Variants in CHD7 observed in about 807,000 individuals in gnomAD.
CHD7 encodes chromodomain helicase DNA binding protein 7.
In CHD7, 24 loss-of-function variants were observed where a neutral mutation model predicts 307.3. The ratio of observed to expected loss-of-function variants is 0.08; its 90% confidence interval spans 0.06 to 0.11. The LOEUF (loss-of-function observed/expected upper bound fraction) is 0.11. Among genes scored for constraint, CHD7 ranks in the 10% least tolerant of loss-of-function variants. The pLI is 1.00. For missense variants in CHD7, 3,106 were observed against 3,727.1 expected (o/e 0.83, Z 4.34); for synonymous variants, 1,363 against 1,349.9 (o/e 1.01, Z -0.21).
chr8:60,792,260 A>G (rs1459896400), intron 3 of CHD7, among the ~76,000 whole-genome samples: 3 of 152,236 alleles, frequency 2.0e-5, no homozygotes, highest in Non-Finnish European at 2.9e-5. Flanking sequence ...ATTTTTGGAC[A>G]AAGCAGTTTT....
At chr8:60,800,573 T>TTGG (rs397687085) in intron 5 of CHD7, 48 bp downstream of exon 5, 5 of 1,562,580 alleles carry the variant, frequency 3.2e-6, no homozygotes, top group South Asian at 1.2e-5. Flanking sequence ...AAAGATGGAC[T>TTGG]AGAAATTTCA....
In CHD7 at chr8:60,850,622, G is replaced by C. The variant is rs985812567; in HGVS notation, c.5534G>C (p.Gly1845Ala). The C allele has an allele frequency of 2.5e-6, 4 of 1,609,318 alleles. No individual in the cohort carries two copies. The South Asian group carries it at 3.3e-5, about 13-fold the overall frequency. The change falls in exon 26 of 38, where the codon GGG becomes GCG. Residue 1845 changes from glycine to alanine, a missense_variant and splice_region_variant. Gly to Ala is a moderately conservative substitution (Grantham distance 60). Transcript: ENST00000423902. ...GTDMLADGGD[G>A]GEFDREDEDP... is the part of the protein sequence containing the mutation. The stretch of plus-strand genomic sequence containing the variant: ...GACATGCTAGCAGATGGTGGTGACG[G>C]GTAAGAAGGACATTTTAAAATTTGA...
intron 2 of CHD7, among the ~76,000 whole-genome samples, chr8:60,769,261 A>T (rs182681018): frequency 2.6e-5 from 4 of 152,350 alleles, no homozygotes; most frequent in African/African-American, 9.6e-5. Flanking sequence ...CTGCTGTTTT[A>T]TAACCATATT....
intron 2 of CHD7, among the ~76,000 whole-genome samples, chr8:60,745,871 G>T (rs180957648): frequency 6.6e-6 from 1 of 152,240 alleles, no homozygotes; most frequent in African/African-American, 2.4e-5. Flanking sequence ...AGCACAAAGG[G>T]TGTTAGATTA....
intron 1 of CHD7, among the ~76,000 whole-genome samples, chr8:60,726,023 C>T (rs1808141129): frequency 6.6e-6 from 1 of 152,194 alleles, no homozygotes; most frequent in Non-Finnish European, 1.5e-5. Context: ...AAGTTTACTA[C>T]CAAAACCAGG....
intron 3 of CHD7, among the ~76,000 whole-genome samples, chr8:60,782,725 C>A (rs1811313634): frequency 6.6e-6 from 1 of 152,116 alleles, no homozygotes; most frequent in Non-Finnish European, 1.5e-5. Flanking sequence ...AAACTTAACA[C>A]TTTATAAAAT....
chr8:60,790,141 A>G (rs1811698434), intron 3 of CHD7, among the ~76,000 whole-genome samples: 1 of 152,204 alleles, frequency 6.6e-6, no homozygotes, highest in South Asian at 2.1e-4. Context: ...TCTGATTACA[A>G]GGGCTTGTCT....
intron 1 of CHD7, among the ~76,000 whole-genome samples, chr8:60,687,508 G>A (rs1805968961): frequency 6.6e-6 from 1 of 152,144 alleles, no homozygotes; most frequent in Admixed American, 6.5e-5. Flanking sequence ...CAAGTGTACC[G>A]ATCTTGCAAG....
intron 2 of CHD7, among the ~76,000 whole-genome samples, chr8:60,769,545 C>G (rs1243425778): frequency 6.6e-6 from 1 of 152,168 alleles, no homozygotes; most frequent in Admixed American, 6.5e-5. Context: ...CAGATGGGAA[C>G]ATGACATAGA....
At chr8:60,745,539 C>T (rs970097481) in intron 2 of CHD7, among the ~76,000 whole-genome samples, 2 of 152,150 alleles carry the variant, frequency 1.3e-5, no homozygotes, top group Non-Finnish European at 2.9e-5. Flanking sequence ...TCATTATAGG[C>T]AAACTCAGGA....
intron 6 of CHD7, among the ~76,000 whole-genome samples, chr8:60,806,830 C>A (rs1243433446): frequency 6.6e-6 from 1 of 152,040 alleles, no homozygotes; most frequent in African/African-American, 2.4e-5. Context: ...TGGTGTAAAA[C>A]CCAGCCTACG....
intron 1 of CHD7, among the ~76,000 whole-genome samples, chr8:60,705,910 C>G (rs939657162): frequency 1.6e-4 from 24 of 152,074 alleles, no homozygotes; most frequent in Non-Finnish European, 3.2e-4. Context: ...CATGCTGGCA[C>G]AAATAATCCA....
chr8:60,775,366 C>CTTA (rs1554587511), intron 2 of CHD7, among the ~76,000 whole-genome samples: 2 of 150,948 alleles, frequency 1.3e-5, no homozygotes, highest in Admixed American at 6.6e-5. Flanking sequence ...TACTTTATTC[C>CTTA]TACCAGTAAC....
chr8:60,695,289 A>G (rs944145690), intron 1 of CHD7, among the ~76,000 whole-genome samples: 4 of 152,256 alleles, frequency 2.6e-5, no homozygotes, highest in Non-Finnish European at 5.9e-5. Context: ...GGTATCTAAC[A>G]TTTAAAAACA....
At position 60,758,622 on chromosome 8, in the gene CHD7, T is replaced by G. The variant is rs1332870349; in HGVS notation, c.1665+15525T>G. On this transcript the variant is annotated intron_variant, in intron 2 of 37. Coordinates refer to ENST00000423902, the MANE Select transcript of CHD7 (RefSeq NM_017780.4). Reference sequence around the variant, plus strand: ...TTGGCTCACTTTATTTCAAGAGAATTACTGCCAAATACTTGAGTCTGAATA... The same window carrying G: ...TTGGCTCACTTTATTTCAAGAGAATGACTGCCAAATACTTGAGTCTGAATA... 3.9e-5 allele frequency among the ~76,000 whole-genome samples: 6 copies of G among 152,212 alleles called. No individual in the cohort carries two copies. The East Asian group carries it at 1.2e-3, about 29-fold the overall frequency.
chr8:60,700,908 G>A (rs1806728391), intron 1 of CHD7, among the ~76,000 whole-genome samples: 1 of 152,226 alleles, frequency 6.6e-6, no homozygotes, highest in Admixed American at 6.5e-5. Flanking sequence ...CTGCCTCAGA[G>A]CACGGTGCTT....
In CHD7 at chr8:60,742,312, T is replaced by G; in HGVS notation, c.880T>G (p.Ser294Ala). 1 of 1,613,946 alleles carries G rather than the reference T, an allele frequency of 6.2e-7. No individual in the cohort carries two copies. The change falls in exon 2 of 38, where the codon TCT becomes GCT. Residue 294 changes from serine to alanine, a missense_variant. Around this residue, in one of 10 missense-constraint regions of CHD7, gnomAD observed 998 missense variants for 1,004.5 expected, o/e 0.99. Coordinates refer to ENST00000423902, the MANE Select transcript of CHD7 (RefSeq NM_017780.4). ...AVRPQTLNFS[S>A]RSQTVPSPTI... ...TAGGCCGCAAACCCTTAACTTTAGT[T>G]CTCGGAGCCAGACAGTCCCCTCTCC...
At position 60,681,044 on chromosome 8, in the gene CHD7, T is replaced by G. The variant is rs148150137; in HGVS notation, c.-175+1962T>G. Among the ~76,000 whole-genome samples, 1,207 of 152,280 alleles carry G rather than the reference T, an allele frequency of 7.9e-3. 11 individuals carry two copies. Among genetic ancestry groups the G allele is most frequent in the South Asian group, 0.016 (77 of 4,822 alleles). On this transcript the variant is annotated intron_variant, in intron 1 of 37. Transcript: ENST00000423902. Reference sequence around the variant, plus strand: ...GGGGTTAAGTGTTATTTCACCCCAGTTCTCTCTCGGTAAGGGAGGGAGTAC... The same window carrying G: ...GGGGTTAAGTGTTATTTCACCCCAGGTCTCTCTCGGTAAGGGAGGGAGTAC...
chr8:60,739,585 G>A (rs4288413), intron 1 of CHD7, among the ~76,000 whole-genome samples: 70,104 of 152,044 alleles, frequency 0.46, 19,690 homozygotes, highest in East Asian at 0.78. Flanking sequence ...GGCAGTTAGC[G>A]GCAGAGTGAA....
Sources: gnomAD v4.1 joint callset for allele counts (sites outside exome capture counted in the v4.1 genomes callset) on GRCh38, gnomAD v4.1.1 for gene constraint, gnomAD v4.1.1 regional missense constraint, MANE v1.5 for transcripts, NCBI Gene and HGNC (gene_info 2026-07-23, HGNC 2026-07-21) for gene names.